The following MYBL2 variants were observed in gnomAD, a reference collection of about 807,000 sequenced individuals.
MYBL2 encodes the protein myb-related protein B.
MYBL2 carries 28 observed loss-of-function variants against 79.9 expected under a neutral mutation model. That is an observed-to-expected ratio of 0.35 (90% CI 0.26 to 0.48). MYBL2 has a LOEUF of 0.48. Ranked by LOEUF, MYBL2 falls within the 20% of genes least tolerant of loss-of-function variation. The pLI, the probability that MYBL2 is intolerant of heterozygous loss-of-function variation, is 0.99. For synonymous variants in MYBL2, 378 were observed against 361.2 expected (o/e 1.05, Z -0.53); for missense variants, 735 against 893.9 (o/e 0.82, Z 2.27).
At chr20:43,705,164 A>T in intron 8 of MYBL2, 55 bp from the exon 9 acceptor site, 1 of 1,594,046 alleles carries the variant, frequency 6.3e-7, no homozygotes, top group South Asian at 1.1e-5. Flanking sequence ...CTGAGGTCTC[A>T]GGGATACTCA....
rs1555809908 is a variant in MYBL2 at position 43,674,224 on chromosome 20, T to TCG, written c.114+326_114+327insGC. On this transcript the variant is annotated intron_variant, in intron 2 of 13. Transcript: ENST00000217026. ...TAGGAGGTTTGGCCAAATCTGTAAC[T>TCG]CCCCCCACCCTTTTTTTTTTTTTTT... 5.0e-3 allele frequency among the ~76,000 whole-genome samples: 292 copies of TCG among 58,216 alleles called. 18 individuals carry two copies. Among genetic ancestry groups the TCG allele is most frequent in the Non-Finnish European group, 6.4e-3 (186 of 28,892 alleles). 38.2% of individuals were successfully genotyped at this position (58,216 alleles called of 152,430 possible).
At chr20:43,675,812 A>G (rs951345743) in intron 2 of MYBL2, among the ~76,000 whole-genome samples, 1 of 150,742 alleles carries the variant, frequency 6.6e-6, no homozygotes, top group Non-Finnish European at 1.5e-5. Context: ...GTTCAGGGGT[A>G]TATGTGCAGG....
chr20:43,698,324 A>G (rs1987599425), intron 6 of MYBL2, among the ~76,000 whole-genome samples: 1 of 140,844 alleles, frequency 7.1e-6, no homozygotes, highest in Admixed American at 7.4e-5. Context: ...TGTTGGGATT[A>G]CAGGTGTGAG....
Position 43,667,167 on chromosome 20 carries a change from T to G in MYBL2, c.-117T>G. 1.6e-6 allele frequency: 1 copy of G among 618,220 alleles called. No individual in the cohort carries two copies. Among genetic ancestry groups the G allele is most frequent in the Non-Finnish European group, 2.2e-6 (1 of 457,090 alleles). The allele number at this position is 618,220 out of a possible 1,614,324, so 38.3% of individuals were successfully genotyped here. ...GGGACCTGCTGACACGCTGACGCCT[T>G]CGAGCGCGGCCCGGGGCCCGGAGCG... On this transcript the variant is annotated 5_prime_UTR_variant, in exon 1 of 14. Transcript: ENST00000217026.
At chr20:43,693,188 C>T (rs384132) in intron 6 of MYBL2, among the ~76,000 whole-genome samples, 1 of 151,918 alleles carries the variant, frequency 6.6e-6, no homozygotes, top group Admixed American at 6.6e-5. Context: ...TGCACCACCA[C>T]GCCTGACTAA....
At chr20:43,674,492 A>G (rs1331141363) in intron 2 of MYBL2, among the ~76,000 whole-genome samples, 7 of 151,334 alleles carry the variant, frequency 4.6e-5, no homozygotes, top group Non-Finnish European at 1.0e-4. Context: ...GTTCCAAGCA[A>G]TTCTCCTGCC....
chr20:43,675,618 G>A (rs1986987578), intron 2 of MYBL2, among the ~76,000 whole-genome samples: 1 of 151,986 alleles, frequency 6.6e-6, no homozygotes, highest in Non-Finnish European at 1.5e-5. Flanking sequence ...GAGCCGGTTT[G>A]ATCACTTTTG....
intron 9 of MYBL2, among the ~76,000 whole-genome samples, chr20:43,706,718 A>ATTTTTTTTTTTTTTT (rs1491241868): frequency 1.2e-3 from 4 of 3,334 alleles, no homozygotes; most frequent in Non-Finnish European, 2.0e-3. Flanking sequence ...AAAAAAAAAA[A>ATTTTTTTTTTTTTTT]GTTTTTTTTT....
intron 9 of MYBL2, among the ~76,000 whole-genome samples, chr20:43,705,672 A>ATATTTATT (rs138328914): frequency 0.042 from 6,104 of 144,694 alleles, 217 homozygotes; most frequent in African/African-American, 0.075. Context: ...AATTAAAAAA[A>ATATTTATT]TATTTATTTA....
At chr20:43,684,000 C>A (rs971673962) in intron 4 of MYBL2, among the ~76,000 whole-genome samples, 1 of 152,050 alleles carries the variant, frequency 6.6e-6, no homozygotes, top group East Asian at 1.9e-4. Flanking sequence ...ATAATCACGG[C>A]TCATTGCAGC....
At chr20:43,713,537 A>G (rs1473560037) in intron 12 of MYBL2, among the ~76,000 whole-genome samples, 1 of 151,818 alleles carries the variant, frequency 6.6e-6, no homozygotes, top group Non-Finnish European at 1.5e-5. Context: ...ACAGGCATGC[A>G]TCACCACGCC....
At position 43,702,965 on chromosome 20, in the gene MYBL2, G is replaced by A. The variant is rs560364825; in HGVS notation, c.1365+62G>A. 4.0e-6 allele frequency: 6 copies of A among 1,499,526 alleles called. 1 individual carries two copies. In the African/African-American group the frequency reaches 8.3e-5, roughly 21 times the overall value. The allele number at this position is 1,499,526 out of a possible 1,614,324, so 92.9% of individuals were successfully genotyped here. A position where few individuals can be genotyped will look rare whatever the true frequency, so the allele number is the denominator to read the frequency against. ...TACAGACACCTAGTGTTCAGTGCTG[G>A]GGCAAGGGTGAGCAAAACGAGACCT... On this transcript the variant is annotated intron_variant, in intron 8 of 13. Coordinates refer to ENST00000217026, the MANE Select transcript of MYBL2 (RefSeq NM_002466.4).
At chr20:43,686,830 T>C in intron 4 of MYBL2, 22 bp from the exon 5 acceptor site, 1 of 1,611,174 alleles carries the variant, frequency 6.2e-7, no homozygotes, top group South Asian at 1.1e-5. Context: ...TGCAAGTGGC[T>C]ACCCAGAGAC....
At chr20:43,689,228 A>T (rs1192332731) in intron 5 of MYBL2, among the ~76,000 whole-genome samples, 1 of 151,856 alleles carries the variant, frequency 6.6e-6, no homozygotes, top group African/African-American at 2.4e-5. Flanking sequence ...TTTTTTTGTC[A>T]TGGCAGTGTG....
intron 2 of MYBL2, among the ~76,000 whole-genome samples, chr20:43,680,563 T>C (rs902677708): frequency 2.6e-5 from 4 of 152,176 alleles, no homozygotes; most frequent in African/African-American, 9.7e-5. Flanking sequence ...AGTGGCATGA[T>C]CTCGGCTCAC....
chr20:43,705,118 T>A, intron 8 of MYBL2, 101 bp from the exon 9 acceptor site: 1 of 1,458,074 alleles, frequency 6.9e-7, no homozygotes, highest in East Asian at 2.3e-5. Context: ...GCAGACGTTT[T>A]GGGGGAGAGG....
intron 5 of MYBL2, among the ~76,000 whole-genome samples, chr20:43,691,249 C>T (rs1347325111): frequency 6.6e-6 from 1 of 152,078 alleles, no homozygotes; most frequent in African/African-American, 2.4e-5. Flanking sequence ...TCGAAGTGGG[C>T]AGGGAAGGGG....
intron 9 of MYBL2, among the ~76,000 whole-genome samples, chr20:43,706,719 G>GTTTTTTTTTTTTTCT (rs1987791925): frequency 1.4e-5 from 1 of 70,780 alleles, no homozygotes; most frequent in Non-Finnish European, 2.5e-5. Flanking sequence ...AAAAAAAAAA[G>GTTTTTTTTTTTTTCT]TTTTTTTTTT....
chr20:43,703,294 C>T (rs1987713398), intron 8 of MYBL2, among the ~76,000 whole-genome samples: 1 of 152,148 alleles, frequency 6.6e-6, no homozygotes, highest in South Asian at 2.1e-4. Flanking sequence ...CTGGCCCTGC[C>T]TGGTCCTGGG....
Sources: gnomAD v4.1 joint callset for allele counts (sites outside exome capture counted in the v4.1 genomes callset) on GRCh38, gnomAD v4.1.1 for gene constraint, MANE v1.5 for transcripts, NCBI Gene and HGNC (gene_info 2026-07-23, HGNC 2026-07-21) for gene names.